CPAMD8: variants seen among roughly 807,000 people sequenced by gnomAD.
CPAMD8 encodes C3 and PZP like alpha-2-macroglobulin domain containing 8.
In CPAMD8, 146 loss-of-function variants were observed where a neutral mutation model predicts 224.7. The observed-to-expected ratio is 0.65, with a 90% CI of 0.57 to 0.75. The LOEUF (loss-of-function observed/expected upper bound fraction) is 0.75, where lower values mean the gene tolerates loss of function less well. Among genes scored for constraint, CPAMD8 ranks in the 30% least tolerant of loss-of-function variants. CPAMD8 has a pLI of 0.00. For missense variants in CPAMD8, 2,301 were observed against 2,537.5 expected, an observed-to-expected ratio of 0.91 and a Z score of 2.00; for synonymous variants, 966 against 1,044.6, an observed-to-expected ratio of 0.92 and a Z score of 1.45.
At chr19:17,019,295 G>GT (rs1371564463) in intron 3 of CPAMD8, among the ~76,000 whole-genome samples, 1 of 151,812 alleles carries the variant, frequency 6.6e-6, no homozygotes, top group Admixed American at 6.6e-5. Flanking sequence ...GTTAACTTTT[G>GT]TATTTTTAGT....
At chr19:16,925,121 G>C in intron 26 of CPAMD8, 75 bp downstream of exon 26, 1 of 1,506,954 alleles carries the variant, frequency 6.6e-7, no homozygotes, top group South Asian at 1.2e-5. Context: ...GCCACCTCCA[G>C]CGTGGTCTTC....
Position 16,902,865 on chromosome 19 carries a change from TG to T in CPAMD8, c.4471-3del. The T allele has an allele frequency of 2.0e-6, 3 of 1,518,028 alleles. No individual in the cohort carries two copies. Among genetic ancestry groups the T allele is most frequent in the African/African-American group, 1.4e-5 (1 of 71,776 alleles). 94.0% of individuals were successfully genotyped at this position (1,518,028 alleles called of 1,614,324 possible). ...AGGCACATTGTAGGTGACATCAATC[TG>T]GGGGGTGTTGGAGGATGGAGGCTTA... On this transcript the variant is annotated splice_polypyrimidine_tract_variant and splice_region_variant and intron_variant, in intron 34 of 41. Transcript: ENST00000443236.
At chr19:16,946,759 G>A (rs1215195297) in intron 21 of CPAMD8, among the ~76,000 whole-genome samples, 1 of 151,854 alleles carries the variant, frequency 6.6e-6, no homozygotes, top group Non-Finnish European at 1.5e-5. Context: ...GTGGATTTGT[G>A]TGTGTGCATG....
intron 22 of CPAMD8, among the ~76,000 whole-genome samples, chr19:16,942,208 T>C (rs1489533057): frequency 2.0e-5 from 3 of 152,138 alleles, no homozygotes; most frequent in African/African-American, 7.2e-5. Context: ...ATGCCTGTAA[T>C]CCCAGCACTT....
At chr19:16,920,555 T>C (rs1243540113) in intron 27 of CPAMD8, among the ~76,000 whole-genome samples, 3 of 150,766 alleles carry the variant, frequency 2.0e-5, no homozygotes, top group Non-Finnish European at 4.4e-5. Context: ...TGAGGAGGTG[T>C]GTGCACACTG....
At chr19:16,991,163 T>C (rs996574708) in intron 12 of CPAMD8, among the ~76,000 whole-genome samples, 2 of 152,116 alleles carry the variant, frequency 1.3e-5, no homozygotes, top group African/African-American at 2.4e-5. Flanking sequence ...ATGCTCAGCT[T>C]GTGGGGATTA....
intron 2 of CPAMD8, among the ~76,000 whole-genome samples, chr19:17,021,068 T>C (rs1046949107): frequency 2.0e-5 from 3 of 152,052 alleles, no homozygotes; most frequent in African/African-American, 7.2e-5. Context: ...CCTCTGGTCA[T>C]AGTGATTGGC....
At chr19:17,022,003 TC>T in intron 2 of CPAMD8, 26 bp downstream of exon 2, 1 of 1,566,098 alleles carries the variant, frequency 6.4e-7, no homozygotes, top group South Asian at 1.2e-5. Context: ...GAAGGGGAAG[TC>T]CTGGTCTGGC....
rs61022443 is a variant in CPAMD8 at position 16,948,792 on chromosome 19, GGAGGGGAAGA to G, written c.2509-1575_2509-1566del. Among the ~76,000 whole-genome samples, 501 of 139,878 alleles carry G rather than the reference GGAGGGGAAGA, an allele frequency of 3.6e-3. 1 individual carries two copies. The highest frequency in any genetic ancestry group is 5.6e-3 in the African/African-American group (206 of 36,988). The allele number at this position is 139,878 out of a possible 152,430, so 91.8% of individuals were successfully genotyped here. On this transcript the variant is annotated intron_variant, in intron 20 of 41. Transcript: ENST00000443236. ...AGAAAAGACGGGAAAGGAGGGGAAGGGAGGGGAAGAGAGGGGAAGAGAGGGGAAGGGAAGG... is the reference window on the plus strand; with the variant it reads ...AGAAAAGACGGGAAAGGAGGGGAAGGGAGGGGAAGAGAGGGGAAGGGAAGG...
chr19:16,988,140 C>T (rs986392022), intron 13 of CPAMD8, among the ~76,000 whole-genome samples: 15 of 152,276 alleles, frequency 9.9e-5, no homozygotes, highest in African/African-American at 3.4e-4. Context: ...TCTTTGCACT[C>T]AGAGTGTCTG....
At chr19:16,997,679 C>T (rs73497202) in intron 10 of CPAMD8, among the ~76,000 whole-genome samples, 8,628 of 151,650 alleles carry the variant, frequency 0.057, 276 homozygotes, top group African/African-American at 0.089. Flanking sequence ...GGCGAAACCC[C>T]GCCTCTAGTA....
intron 14 of CPAMD8, among the ~76,000 whole-genome samples, chr19:16,979,267 T>G (rs1349456166): frequency 1.3e-5 from 1 of 74,394 alleles, no homozygotes; most frequent in African/African-American, 1.2e-4. Context: ...ACCCACCCAT[T>G]AGCCATCCAT....
rs760945646 is a variant in CPAMD8 at position 17,026,584 on chromosome 19, C to A, written c.59G>T (p.Arg20Leu). The part of the protein sequence containing the change: ...LPLLLLLLSA[R>L]DGVRAAQPQA... ...AGGCTGCGCGGCGCGCACGCCGTCCCGCGCCGACAGCAGCAGGAGCAGGAG... is the reference window on the plus strand; with the variant it reads ...AGGCTGCGCGGCGCGCACGCCGTCCAGCGCCGACAGCAGCAGGAGCAGGAG... Residue 20 changes from arginine (R) to leucine (L), a missense_variant, in exon 1 of 42, where the codon CGG (arginine) becomes CTG (leucine). By Grantham distance (102) the Arg-to-Leu change is moderately radical. Around this residue, in one of 4 missense-constraint regions of CPAMD8, gnomAD observed 283 missense variants for 340.6 expected, o/e 0.83. Transcript: ENST00000443236. 5.2e-6 allele frequency: 8 copies of A among 1,527,794 alleles called. No homozygotes were observed. The highest frequency in any genetic ancestry group is 2.7e-5 in the East Asian group (1 of 37,704). 94.6% of individuals were successfully genotyped at this position (1,527,794 alleles called of 1,614,324 possible).
rs578072443 is a variant in CPAMD8 at position 16,919,267 on chromosome 19, C to T, written c.3629+2638G>A. Among the ~76,000 whole-genome samples the T allele has an allele frequency of 2.8e-4, 43 of 151,980 alleles. No homozygotes were observed. In the South Asian group the frequency reaches 8.3e-3, roughly 29 times the overall value. On this transcript the variant is annotated intron_variant, in intron 27 of 41. Coordinates refer to ENST00000443236, the MANE Select transcript of CPAMD8 (RefSeq NM_015692.5). Reference sequence around the variant, plus strand: ...AGAAGTAACAGCCTGACTTGTAAGACCAAGTAACAAAAGGCGCTATGGCAT... The same window carrying T: ...AGAAGTAACAGCCTGACTTGTAAGATCAAGTAACAAAAGGCGCTATGGCAT...
chr19:17,009,557 G>T (rs139331009), intron 5 of CPAMD8: 199 of 452,844 alleles, frequency 4.4e-4, no homozygotes, highest in African/African-American at 3.7e-3. Context: ...GGTGGATCAC[G>T]AGGTCAGGAG....
intron 13 of CPAMD8, among the ~76,000 whole-genome samples, chr19:16,987,179 A>AAAAAAAATAT (rs1555784836): frequency 4.6e-4 from 25 of 53,918 alleles, no homozygotes; most frequent in Admixed American, 6.3e-4. Flanking sequence ...AAAAAAAAAA[A>AAAAAAAATAT]ATATATATAT....
intron 3 of CPAMD8, among the ~76,000 whole-genome samples, chr19:17,017,449 G>T (rs1484120609): frequency 6.6e-6 from 1 of 152,124 alleles, no homozygotes. Context: ...CTGGTCCCTG[G>T]TGCCAAAAAG....
intron 13 of CPAMD8, among the ~76,000 whole-genome samples, chr19:16,984,559 TA>T (rs1429574481): frequency 6.6e-6 from 1 of 152,142 alleles, no homozygotes; most frequent in African/African-American, 2.4e-5. Flanking sequence ...TCATCAAAAT[TA>T]AAATTTTTTG....
At chr19:16,962,855 C>T (rs544489519) in intron 18 of CPAMD8, among the ~76,000 whole-genome samples, 2 of 152,218 alleles carry the variant, frequency 1.3e-5, no homozygotes, top group South Asian at 2.1e-4. Context: ...TGGCAGAAAC[C>T]CTACAAGCCA....
Sources: gnomAD v4.1 joint callset for allele counts (sites outside exome capture counted in the v4.1 genomes callset) on GRCh38, gnomAD v4.1.1 for gene constraint, gnomAD v4.1.1 regional missense constraint, MANE v1.5 for transcripts, NCBI Gene and HGNC (gene_info 2026-07-23, HGNC 2026-07-21) for gene names.